The following HIVEP3 variants were observed in gnomAD, a reference collection of about 807,000 sequenced individuals.
HIVEP3 encodes HIVEP zinc finger 3.
Under a neutral mutation model 152.8 loss-of-function variants are expected in HIVEP3, and 49 were observed. The ratio of observed to expected loss-of-function variants is 0.32; its 90% confidence interval spans 0.26 to 0.41. HIVEP3 has a LOEUF of 0.41. Among genes scored for constraint, HIVEP3 ranks in the 10% least tolerant of loss-of-function variants. The pLI, the probability that HIVEP3 is intolerant of heterozygous loss-of-function variation, is 1.00. For synonymous variants in HIVEP3, 1,269 were observed against 1,289.0 expected, an observed-to-expected ratio of 0.98 and a Z score of 0.33; for missense variants, 2,790 against 3,103.3, an observed-to-expected ratio of 0.90 and a Z score of 2.40.
chr1:41,511,410 C>A lies in HIVEP3; in HGVS notation c.6406-144G>T. The A allele has an allele frequency of 1.4e-6, 1 of 729,052 alleles. No homozygotes were observed. The highest frequency in any genetic ancestry group is 1.9e-5 in the South Asian group (1 of 52,644). 45.2% of individuals were successfully genotyped at this position (729,052 alleles called of 1,614,324 possible). A position where few individuals can be genotyped will look rare whatever the true frequency, so the allele number is the denominator to read the frequency against. On this transcript the variant is annotated intron_variant, in intron 8 of 8. Transcript: ENST00000372583. This position sits in a 1 kb window ranked among gnomAD's most constrained non-coding sequence, Gnocchi z 4.9. The stretch of plus-strand genomic sequence containing the variant: ...GCTGAGCTGAGCCCAGAACCAAGTT[C>A]CTGACTCCCTGCCCACAGATGCTGA...
At chr1:41,522,503 C>G (rs1642786577) in intron 6 of HIVEP3, among the ~76,000 whole-genome samples, 2 of 152,316 alleles carry the variant, frequency 1.3e-5, no homozygotes, top group South Asian at 4.1e-4. Flanking sequence ...GCCTCACAGC[C>G]CTGGCCTTCA....
chr1:41,769,371 CCT>C (rs1421899763), intron 1 of HIVEP3, among the ~76,000 whole-genome samples: 2 of 152,190 alleles, frequency 1.3e-5, no homozygotes, highest in African/African-American at 4.8e-5. Context: ...TTTATCTCCC[CCT>C]GTCCCACTAA....
chr1:41,741,367 G>A (rs1374208821), intron 1 of HIVEP3, among the ~76,000 whole-genome samples: 1 of 152,208 alleles, frequency 6.6e-6, no homozygotes, highest in Non-Finnish European at 1.5e-5. Flanking sequence ...TCCTAGCAGG[G>A]CCGGGGTCCC....
At chr1:41,632,918 T>C (rs901586303) in intron 2 of HIVEP3, among the ~76,000 whole-genome samples, 1 of 151,948 alleles carries the variant, frequency 6.6e-6, no homozygotes, top group Non-Finnish European at 1.5e-5. Context: ...GTTTGACAGA[T>C]GAAGTGGCCT....
intron 2 of HIVEP3, among the ~76,000 whole-genome samples, chr1:41,639,060 G>GAAC (rs1645331830): frequency 1.3e-5 from 2 of 152,036 alleles, no homozygotes; most frequent in Non-Finnish European, 2.9e-5. Flanking sequence ...CACTCTGAAC[G>GAAC]GAACGTCTGC....
chr1:41,843,421 T>C lies in HIVEP3; in HGVS notation c.-801+74992A>G, dbSNP rs1398545382. 4.6e-5 allele frequency among the ~76,000 whole-genome samples: 7 copies of C among 152,186 alleles called. No homozygotes were observed. In the South Asian group the frequency reaches 8.3e-4, roughly 18 times the overall value. On this transcript the variant is annotated intron_variant, in intron 1 of 8. Coordinates refer to ENST00000372583, the MANE Select transcript of HIVEP3 (RefSeq NM_024503.5). ...AACAAATTAAACATTTCAGGACCCA[T>C]TTCCAATGAAAGATGCATGGGCATC... is the stretch of plus-strand genomic sequence containing the variant.
intron 1 of HIVEP3, among the ~76,000 whole-genome samples, chr1:41,983,947 TGAA>T (rs764722766): frequency 5.3e-5 from 8 of 151,892 alleles, no homozygotes; most frequent in Non-Finnish European, 1.2e-4. Flanking sequence ...AGTAGAACAA[TGAA>T]GAAAAAAAAT....
At chr1:41,550,034 CT>C (rs1643878374) in intron 5 of HIVEP3, among the ~76,000 whole-genome samples, 1 of 152,076 alleles carries the variant, frequency 6.6e-6, no homozygotes, top group Non-Finnish European at 1.5e-5. Context: ...TTTAATCCAT[CT>C]TGAATTAATT....
At chr1:41,620,945 C>T (rs750226799) in intron 3 of HIVEP3, among the ~76,000 whole-genome samples, 80 of 152,300 alleles carry the variant, frequency 5.3e-4, no homozygotes, top group Non-Finnish European at 7.6e-4. Flanking sequence ...GAGGACCACC[C>T]GAGGCCCTGA....
At chr1:41,806,053 A>T (rs145079261) in intron 1 of HIVEP3, among the ~76,000 whole-genome samples, 2,190 of 152,044 alleles carry the variant, frequency 0.014, 23 homozygotes, top group Non-Finnish European at 0.018. Context: ...TGAGGCACAG[A>T]AGGGATCTTC....
intron 1 of HIVEP3, among the ~76,000 whole-genome samples, chr1:41,840,928 C>T (rs937934056): frequency 2.6e-5 from 4 of 152,196 alleles, no homozygotes; most frequent in African/African-American, 7.2e-5. Context: ...CAACAAGCCC[C>T]AGGCCATCCA....
chr1:41,597,201 A>G (rs1307701779), intron 3 of HIVEP3, among the ~76,000 whole-genome samples: 1 of 152,164 alleles, frequency 6.6e-6, no homozygotes, highest in Non-Finnish European at 1.5e-5. Context: ...CCCGGCTGGT[A>G]TTTGTCTTCC....
At chr1:41,668,872 G>C (rs1036050657) in intron 2 of HIVEP3, among the ~76,000 whole-genome samples, 6 of 152,154 alleles carry the variant, frequency 3.9e-5, no homozygotes, top group African/African-American at 1.4e-4. Context: ...ACTAGGTTAG[G>C]AGAGCTCTGG....
intron 1 of HIVEP3, among the ~76,000 whole-genome samples, chr1:41,738,617 AC>A (rs895191170): frequency 6.6e-5 from 10 of 152,188 alleles, no homozygotes; most frequent in African/African-American, 2.4e-4. Flanking sequence ...CCATCAGCTC[AC>A]AGGACCTGGA....
chr1:41,518,532 G>T, intron 6 of HIVEP3, 44 bp from the exon 7 acceptor site: 1 of 1,557,670 alleles, frequency 6.4e-7, no homozygotes, highest in Non-Finnish European at 8.9e-7. Flanking sequence ...TGGGGCAGGA[G>T]GCCAGGGCGG....
At chr1:41,744,360 TG>T (rs1276252267) in intron 1 of HIVEP3, among the ~76,000 whole-genome samples, 1 of 152,208 alleles carries the variant, frequency 6.6e-6, no homozygotes, top group Non-Finnish European at 1.5e-5. Context: ...TTAAAATTTA[TG>T]TCACTGAACT....
intron 1 of HIVEP3, among the ~76,000 whole-genome samples, chr1:41,989,089 T>C (rs1228369006): frequency 6.6e-6 from 1 of 152,102 alleles, no homozygotes; most frequent in Non-Finnish European, 1.5e-5. Flanking sequence ...GAGATGCTGG[T>C]GAAAAGACAT....
chr1:41,852,903 C>T (rs548666745), intron 1 of HIVEP3, among the ~76,000 whole-genome samples: 3 of 152,224 alleles, frequency 2.0e-5, no homozygotes, highest in South Asian at 2.1e-4. Context: ...ACAGATTTCA[C>T]GCAGAACTGT....
Position 41,628,709 on chromosome 1 carries a change from C to T in HIVEP3, c.-522+40G>A, listed in dbSNP as rs1005359957. 18 of 1,210,708 alleles carry T rather than the reference C, an allele frequency of 1.5e-5. No homozygotes were observed. The African/African-American group carries it at 1.6e-4, about 11-fold the overall frequency. The allele number at this position is 1,210,708 out of a possible 1,614,324, so 75.0% of individuals were successfully genotyped here. On this transcript the variant is annotated intron_variant, in intron 3 of 8. Coordinates refer to ENST00000372583, the MANE Select transcript of HIVEP3 (RefSeq NM_024503.5). ...GCTCATGCAAGACAGACCAACATGG[C>T]GCCTGGCAAGCATATTCAGCAACAG...
Sources: allele counts gnomAD v4.1 joint callset (sites outside exome capture counted in the v4.1 genomes callset), GRCh38; gene constraint gnomAD v4.1.1; non-coding constraint Gnocchi (gnomAD v3.1); transcripts MANE v1.5; gene names NCBI Gene and HGNC (gene_info 2026-07-23, HGNC 2026-07-21).